NAALADL2: variants seen among roughly 807,000 people sequenced by gnomAD.
The protein encoded by NAALADL2 is inactive N-acetylated-alpha-linked acidic dipeptidase-like protein 2.
Under a neutral mutation model 87.2 loss-of-function variants are expected in NAALADL2, and 76 were observed. The ratio of observed to expected loss-of-function variants is 0.87; its 90% CI spans 0.72 to 1.05. NAALADL2 has a LOEUF of 1.05. NAALADL2 is among the 50% of genes least tolerant of loss of function. The pLI, the probability that NAALADL2 is intolerant of heterozygous loss-of-function variation, is 0.00. For missense variants in NAALADL2, 1,089 were observed against 945.8 expected (o/e 1.15, Z -1.99); for synonymous variants, 354 against 331.0 (o/e 1.07, Z -0.75).
chr3:175,513,109 T>TAGAAGTGA (rs1157504220), intron 9 of NAALADL2, among the ~76,000 whole-genome samples: 1 of 152,180 alleles, frequency 6.6e-6, no homozygotes, highest in Non-Finnish European at 1.5e-5. Flanking sequence ...TTTCAGGAAG[T>TAGAAGTGA]AGAAGTGAAT....
At chr3:175,318,985 T>C (rs1233807634) in intron 4 of NAALADL2, among the ~76,000 whole-genome samples, 1 of 150,456 alleles carries the variant, frequency 6.6e-6, no homozygotes, top group East Asian at 2.0e-4. Flanking sequence ...TATATTTTTA[T>C]ATATTCTTCT....
chr3:174,842,099 T>A (rs968517505), intron 3 of NAALADL2, among the ~76,000 whole-genome samples: 1 of 151,526 alleles, frequency 6.6e-6, no homozygotes, highest in Non-Finnish European at 1.5e-5. Flanking sequence ...TTGCCCAGGC[T>A]GCAGTGCATT....
chr3:175,133,213 G>C (rs367569269), intron 2 of NAALADL2, among the ~76,000 whole-genome samples: 1 of 151,598 alleles, frequency 6.6e-6, no homozygotes, highest in Admixed American at 6.6e-5. Context: ...TGGCGGCCGG[G>C]CAGAGACGCT....
intron 2 of NAALADL2, among the ~76,000 whole-genome samples, chr3:174,577,465 C>T (rs1395309690): frequency 2.6e-5 from 4 of 151,902 alleles, no homozygotes; most frequent in Admixed American, 2.0e-4. Flanking sequence ...GGTTTGCCAC[C>T]CAATGATGCA....
At position 174,698,725 on chromosome 3, in the gene NAALADL2, G is replaced by A. The variant is rs1399011152; in HGVS notation, c.-114-38916G>A. 2.2e-5 allele frequency among the ~76,000 whole-genome samples: 3 copies of A among 133,850 alleles called. 1 individual carries two copies. Among genetic ancestry groups the A allele is most frequent in the African/African-American group, 6.5e-5 (2 of 30,568 alleles). 87.8% of individuals were successfully genotyped at this position (133,850 alleles called of 152,430 possible). ...TAAAAATACAAAAAATTAGCCGGGC[G>A]TAGTGGCGGGCGCCTTTAGTCCCAG... On this transcript the variant is annotated intron_variant, in intron 2 of 3. Transcript: ENST00000434257.
intron 5 of NAALADL2, among the ~76,000 whole-genome samples, chr3:175,353,489 A>G (rs1271217107): frequency 1.3e-5 from 2 of 152,228 alleles, no homozygotes; most frequent in Non-Finnish European, 2.9e-5. Context: ...ATGATTATGA[A>G]TTGCTACTGC....
At chr3:175,375,756 T>C (rs1767053113) in intron 5 of NAALADL2, among the ~76,000 whole-genome samples, 1 of 152,142 alleles carries the variant, frequency 6.6e-6, no homozygotes, top group African/African-American at 2.4e-5. Context: ...ACATTTAACC[T>C]AAATATTAAT....
chr3:174,527,061 T>A (rs1720831352), intron 1 of NAALADL2, among the ~76,000 whole-genome samples: 1 of 152,072 alleles, frequency 6.6e-6, no homozygotes, highest in Non-Finnish European at 1.5e-5. Context: ...ATTTTGAATG[T>A]GTTGTGATAT....
rs138317240 is a variant in NAALADL2 at position 174,455,495 on chromosome 3, T to A, written c.-184+14463T>A. 1.4e-3 allele frequency among the ~76,000 whole-genome samples: 212 copies of A among 151,992 alleles called. 1 individual carries two copies. The highest frequency in any genetic ancestry group is 4.7e-3 in the African/African-American group (196 of 41,490). On this transcript the variant is annotated intron_variant, in intron 1 of 3. Transcript: ENST00000434257. ...AATCCTCAGCAAAATACTGACAGAG[T>A]ATAGCAGTACATCAAAAACATATCC... is the stretch of plus-strand genomic sequence containing the variant.
chr3:174,708,718 G>T (rs1394097556), intron 2 of NAALADL2, among the ~76,000 whole-genome samples: 4 of 152,076 alleles, frequency 2.6e-5, no homozygotes. Flanking sequence ...TTTTTACAAT[G>T]ACCTTTTCAG....
intron 11 of NAALADL2, among the ~76,000 whole-genome samples, chr3:175,726,819 T>G (rs1742990849): frequency 6.6e-6 from 1 of 151,998 alleles, no homozygotes; most frequent in Non-Finnish European, 1.5e-5. Context: ...AGAGAGGAAA[T>G]GGGGCTTTCA....
At chr3:175,430,938 C>A (rs1717646253) in intron 5 of NAALADL2, among the ~76,000 whole-genome samples, 4 of 152,012 alleles carry the variant, frequency 2.6e-5, no homozygotes, top group Admixed American at 2.6e-4. Context: ...AATGCTGAAT[C>A]TTTTAAATCT....
chr3:175,498,777 T>A (rs189576776), intron 9 of NAALADL2, among the ~76,000 whole-genome samples: 4 of 152,170 alleles, frequency 2.6e-5, no homozygotes, highest in Non-Finnish European at 5.9e-5. Context: ...AAGATTCACA[T>A]GTTGAAGTCC....
intron 3 of NAALADL2, among the ~76,000 whole-genome samples, chr3:174,802,628 C>T (rs1186343618): frequency 2.0e-5 from 3 of 152,136 alleles, no homozygotes; most frequent in Non-Finnish European, 2.9e-5. Context: ...GCTATCCCTT[C>T]CCCAGCCCAC....
At position 174,921,213 on chromosome 3, in the gene NAALADL2, ATG is replaced by A. The variant is rs548601756; in HGVS notation, c.43+61767_43+61768del. On this transcript the variant is annotated intron_variant, in intron 1 of 13. Coordinates refer to ENST00000454872, the MANE Select transcript of NAALADL2 (RefSeq NM_207015.3). ...AAAACTTCAATTTCTAAAAAACACA[ATG>A]TGTTTTGCAAAATGCAAAAAGTGAA... 1.1e-4 allele frequency among the ~76,000 whole-genome samples: 16 copies of A among 152,306 alleles called. No individual in the cohort carries two copies. In the South Asian group the frequency reaches 3.1e-3, roughly 30 times the overall value.
At chr3:174,624,353 G>T (rs1721343450) in intron 2 of NAALADL2, among the ~76,000 whole-genome samples, 1 of 152,156 alleles carries the variant, frequency 6.6e-6, no homozygotes, top group African/African-American at 2.4e-5. Flanking sequence ...GCCGGGCGCG[G>T]TGGCTCACGC....
At chr3:175,429,176 T>TAC (rs749991023) in intron 5 of NAALADL2, among the ~76,000 whole-genome samples, 3,083 of 125,594 alleles carry the variant, frequency 0.025, 42 homozygotes, top group South Asian at 0.036. Context: ...TATATATATG[T>TAC]ACACACACAC....
At chr3:175,486,728 TG>T (rs1166339372) in intron 9 of NAALADL2, among the ~76,000 whole-genome samples, 1 of 152,082 alleles carries the variant, frequency 6.6e-6, no homozygotes, top group Non-Finnish European at 1.5e-5. Context: ...CTATATGAAA[TG>T]TTTTTTTTTC....
intron 5 of NAALADL2, among the ~76,000 whole-genome samples, chr3:175,405,995 G>A (rs75958039): frequency 0.036 from 5,466 of 152,226 alleles, 325 homozygotes; most frequent in African/African-American, 0.12. Context: ...GGGGAACATA[G>A]TAAGTGCTGA....
Sources: gnomAD v4.1 joint callset for allele counts (sites outside exome capture counted in the v4.1 genomes callset) on GRCh38, gnomAD v4.1.1 for gene constraint, MANE v1.5 for transcripts, NCBI Gene and HGNC (gene_info 2026-07-23, HGNC 2026-07-21) for gene names.